Variants in HIVEP2 observed in about 807,000 individuals in gnomAD.
HIVEP2 encodes the protein transcription factor HIVEP2.
In HIVEP2, 14 loss-of-function variants were observed where a neutral mutation model predicts 180.7. The ratio of observed to expected loss-of-function variants is 0.08; its 90% CI spans 0.05 to 0.12. The LOEUF is 0.12. Among genes scored for constraint, HIVEP2 ranks in the 10% least tolerant of loss-of-function variants. HIVEP2 has a pLI of 1.00. For missense variants in HIVEP2, 2,579 were observed against 3,008.5 expected, an observed-to-expected ratio of 0.86 and a Z score of 3.34; for synonymous variants, 1,184 against 1,136.4, an observed-to-expected ratio of 1.04 and a Z score of -0.84.
At chr6:142,831,600 T>A (rs1775083540) in intron 2 of HIVEP2, among the ~76,000 whole-genome samples, 1 of 152,126 alleles carries the variant, frequency 6.6e-6, no homozygotes, top group African/African-American at 2.4e-5. Context: ...CACATGTAAT[T>A]TATCTCATTA....
chr6:142,782,877 C>A (rs1008736821), intron 3 of HIVEP2, among the ~76,000 whole-genome samples: 2 of 152,112 alleles, frequency 1.3e-5, no homozygotes, highest in East Asian at 1.9e-4. Context: ...TTTGTCATAC[C>A]TTTTAAAATA....
At chr6:142,886,324 G>A (rs1776697738) in intron 1 of HIVEP2, among the ~76,000 whole-genome samples, 1 of 152,036 alleles carries the variant, frequency 6.6e-6, no homozygotes, top group Non-Finnish European at 1.5e-5. Context: ...TTTATGAGGA[G>A]GGAAATAACT....
intron 2 of HIVEP2, among the ~76,000 whole-genome samples, chr6:142,791,089 G>A (rs1393512816): frequency 1.3e-5 from 2 of 152,142 alleles, no homozygotes; most frequent in Non-Finnish European, 1.5e-5. Context: ...AATTTTCCTA[G>A]AGAGTGGGGA....
intron 1 of HIVEP2, among the ~76,000 whole-genome samples, chr6:142,884,837 G>C (rs901182490): frequency 1.3e-5 from 2 of 152,126 alleles, no homozygotes; most frequent in African/African-American, 4.8e-5. Context: ...GAAAAAGCAA[G>C]ACAATGAGAA....
chr6:142,800,693 A>G (rs900594585), intron 2 of HIVEP2, among the ~76,000 whole-genome samples: 4 of 152,150 alleles, frequency 2.6e-5, no homozygotes, highest in Non-Finnish European at 4.4e-5. Flanking sequence ...GGAGAATTTG[A>G]GAGGCTTAGG....
chr6:142,855,327 T>C (rs1363667704), intron 1 of HIVEP2, among the ~76,000 whole-genome samples: 3 of 152,212 alleles, frequency 2.0e-5, no homozygotes, highest in Non-Finnish European at 4.4e-5. Context: ...GACCAATCTT[T>C]GTGTGTGCAC....
rs1177897425 is a variant in HIVEP2, at chr6:142,937,237, A to G, written c.-641+7862T>C. On this transcript the variant is annotated intron_variant, in intron 1 of 9. Transcript: ENST00000367603. ...AAATGTGAAACCATGTCATTCTAACATTGTTTCTTAAACCATTTCAGTCAA... is the reference window on the plus strand; with the variant it reads ...AAATGTGAAACCATGTCATTCTAACGTTGTTTCTTAAACCATTTCAGTCAA... 5.3e-5 allele frequency among the ~76,000 whole-genome samples: 8 copies of G among 152,354 alleles called. No individual in the cohort carries two copies. In the East Asian group the frequency reaches 1.3e-3, roughly 26 times the overall value.
intron 3 of HIVEP2, among the ~76,000 whole-genome samples, chr6:142,778,943 A>G (rs1460562866): frequency 2.6e-5 from 4 of 152,208 alleles, no homozygotes. Flanking sequence ...TTGTAGTACA[A>G]AAAATGGCCC....
intron 1 of HIVEP2, among the ~76,000 whole-genome samples, chr6:142,936,435 C>T (rs900943405): frequency 2.6e-5 from 4 of 151,848 alleles, no homozygotes; most frequent in Admixed American, 6.6e-5. Flanking sequence ...TGTGATCCAC[C>T]CACCTCAGCG....
chr6:142,898,073 C>T (rs1172637755), intron 1 of HIVEP2, among the ~76,000 whole-genome samples: 1 of 152,158 alleles, frequency 6.6e-6, no homozygotes, highest in Non-Finnish European at 1.5e-5. Context: ...GCATTTTCAG[C>T]CTCTTCCCTG....
In HIVEP2 at chr6:142,812,533, T is replaced by G. The variant is rs528394166; in HGVS notation, c.-528+24402A>C. Among the ~76,000 whole-genome samples the G allele has an allele frequency of 3.3e-5, 5 of 152,236 alleles. No homozygotes were observed. The East Asian group carries it at 9.6e-4, about 29-fold the overall frequency. ...TGCCCCATAACAAACCTCCGTAAAA[T>G]TTTTAGGAATTCAGAAGTTTCTAGT... is the stretch of plus-strand genomic sequence containing the variant. On this transcript the variant is annotated intron_variant, in intron 2 of 9. Coordinates refer to ENST00000367603, the MANE Select transcript of HIVEP2 (RefSeq NM_006734.4).
chr6:142,909,168 A>G (rs1777340640), intron 1 of HIVEP2, among the ~76,000 whole-genome samples: 1 of 152,196 alleles, frequency 6.6e-6, no homozygotes, highest in African/African-American at 2.4e-5. Context: ...ACCTATTTTA[A>G]TAAATATATC....
At chr6:142,831,708 C>T (rs1775086965) in intron 2 of HIVEP2, among the ~76,000 whole-genome samples, 2 of 152,224 alleles carry the variant, frequency 1.3e-5, no homozygotes, top group African/African-American at 4.8e-5. Context: ...GTTTGTTCTG[C>T]TGTGTGGGGA....
chr6:142,767,943 G>A lies in HIVEP2; in HGVS notation c.5342+439C>T, dbSNP rs545178186. The stretch of plus-strand genomic sequence containing the variant: ...AAATCCCATTAAAGCCTCTAGTTTA[G>A]ATAATAAGAAAAACAAACAAACAAA... On this transcript the variant is annotated intron_variant, in intron 6 of 9. Coordinates refer to ENST00000367603, the MANE Select transcript of HIVEP2 (RefSeq NM_006734.4). Among the ~76,000 whole-genome samples, 58 of 152,306 alleles carry A rather than the reference G, an allele frequency of 3.8e-4. 3 individuals are homozygous for A. Among genetic ancestry groups the A allele is most frequent in the African/African-American group, 1.3e-3 (56 of 41,566 alleles).
At chr6:142,879,445 C>A (rs1448951536) in intron 1 of HIVEP2, among the ~76,000 whole-genome samples, 1 of 152,102 alleles carries the variant, frequency 6.6e-6, no homozygotes, top group African/African-American at 2.4e-5. Context: ...ATTCTCTGAG[C>A]TCCCGTTATA....
At chr6:142,799,861 G>T (rs1194784963) in intron 2 of HIVEP2, among the ~76,000 whole-genome samples, 1 of 152,146 alleles carries the variant, frequency 6.6e-6, no homozygotes, top group Non-Finnish European at 1.5e-5. Context: ...TCCATGACAG[G>T]AACCCAGCAT....
At chr6:142,758,507 CAG>C (rs1775136657) in intron 9 of HIVEP2, among the ~76,000 whole-genome samples, 1 of 152,184 alleles carries the variant, frequency 6.6e-6, no homozygotes, top group South Asian at 2.1e-4. Context: ...GCACTTGACA[CAG>C]AGATCCGGAG....
chr6:142,781,353 T>A (rs913911251), intron 3 of HIVEP2, among the ~76,000 whole-genome samples: 1 of 152,200 alleles, frequency 6.6e-6, no homozygotes, highest in African/African-American at 2.4e-5. Context: ...ACAAAGTCAT[T>A]TTTGGCACCC....
At chr6:142,793,199 A>G (rs1192356701) in intron 2 of HIVEP2, among the ~76,000 whole-genome samples, 1 of 152,196 alleles carries the variant, frequency 6.6e-6, no homozygotes, top group Admixed American at 6.5e-5. Flanking sequence ...ATGATTAACT[A>G]TAAGCTATTA....
Sources: allele counts gnomAD v4.1 joint callset (sites outside exome capture counted in the v4.1 genomes callset), GRCh38; gene constraint gnomAD v4.1.1; transcripts MANE v1.5; gene names NCBI Gene and HGNC (gene_info 2026-07-23, HGNC 2026-07-21).